Variants in PSMD8 observed in about 807,000 individuals in gnomAD.
PSMD8 encodes proteasome 26S subunit, non-ATPase 8, also known as 26S proteasome non-ATPase regulatory subunit 8.
PSMD8 carries 30 observed loss-of-function variants against 40.0 expected under a neutral mutation model. The observed-to-expected ratio is 0.75, with a 90% CI of 0.56 to 1.02. PSMD8 has a LOEUF of 1.02. Ranked by LOEUF, PSMD8 falls within the 50% of genes least tolerant of loss-of-function variation. The pLI, the probability that PSMD8 is intolerant of heterozygous loss-of-function variation, is 0.00. For missense variants in PSMD8, 461 were observed against 463.9 expected, an observed-to-expected ratio of 0.99 and a Z score of 0.06; for synonymous variants, 208 against 192.5, an observed-to-expected ratio of 1.08 and a Z score of -0.67.
At chr19:38,379,157 G>A (rs1970620147) in intron 3 of PSMD8, 83 bp from the exon 4 acceptor site, 1 of 1,407,384 alleles carries the variant, frequency 7.1e-7, no homozygotes, top group Non-Finnish European at 9.7e-7. Context: ...ATGGGGCGTT[G>A]TGAGGATTCC....
chr19:38,375,060 G>A (rs1358445723), intron 1 of PSMD8, 99 bp downstream of exon 1: 1 of 1,494,254 alleles, frequency 6.7e-7, no homozygotes, highest in Non-Finnish European at 8.9e-7. Context: ...AGCCACCTCG[G>A]TGCCAGCGAG....
intron 4 of PSMD8, 40 bp from the exon 5 acceptor site, chr19:38,380,859 C>T (rs762360242): frequency 7.4e-6 from 11 of 1,476,562 alleles, no homozygotes; most frequent in Non-Finnish European, 1.0e-5. Flanking sequence ...TTGCAGCCTC[C>T]TCTTCATTCT....
At chr19:38,379,140 A>G in intron 3 of PSMD8, 100 bp from the exon 4 acceptor site, 1 of 1,235,842 alleles carries the variant, frequency 8.1e-7, no homozygotes, top group Admixed American at 2.4e-5. Context: ...CCTCTTCAGG[A>G]AGATGCATGG....
In PSMD8 at chr19:38,374,591, C is replaced by T. The variant is rs372594226; in HGVS notation, c.-11C>T. On this transcript the variant is annotated 5_prime_UTR_variant, in exon 1 of 7. Coordinates refer to ENST00000215071, the MANE Select transcript of PSMD8 (RefSeq NM_002812.5). ...ATCTTGAGTGACGACAGAGGCGGAGCTCCAACTGACATGTTCATTAAGGGC... is the reference window on the plus strand; with the variant it reads ...ATCTTGAGTGACGACAGAGGCGGAGTTCCAACTGACATGTTCATTAAGGGC... The T allele has an allele frequency of 2.5e-4, 369 of 1,453,444 alleles. 1 individual carries two copies. The African/African-American group carries it at 4.8e-3, about 19-fold the overall frequency. The allele number at this position is 1,453,444 out of a possible 1,614,324, so 90.0% of individuals were successfully genotyped here.
intron 6 of PSMD8, chr19:38,382,595 G>T: frequency 2.2e-6 from 1 of 462,730 alleles, no homozygotes; most frequent in Non-Finnish European, 3.8e-6. Flanking sequence ...CCAGGCTATG[G>T]AAGGTGAAAT....
At chr19:38,380,854 GCCT>G (rs1970634667) in intron 4 of PSMD8, 42 bp from the exon 5 acceptor site, 5 of 1,456,238 alleles carry the variant, frequency 3.4e-6, no homozygotes, top group Non-Finnish European at 4.7e-6. Flanking sequence ...CCCCTTTGCA[GCCT>G]CCTCTTCATT....
Position 38,374,805 on chromosome 19 carries a change from G to T in PSMD8, c.204G>T (p.Ala68=). The part of the protein sequence containing the change: ...LAASRKMAAA[A]VNGAAGFSSS... ...CATCACGCAAGATGGCGGCCGCGGCGGTGAACGGGGCGGCAGGCTTCTCGA... is the reference window on the plus strand; with the variant it reads ...CATCACGCAAGATGGCGGCCGCGGCTGTGAACGGGGCGGCAGGCTTCTCGA... The change falls in exon 1 of 7, where the codon GCG becomes GCT. Residue 68 remains alanine (A), a synonymous_variant. Coordinates refer to ENST00000215071, the MANE Select transcript of PSMD8 (RefSeq NM_002812.5). 1 of 1,572,850 alleles carries T rather than the reference G, an allele frequency of 6.4e-7. No homozygotes were observed. Among genetic ancestry groups the T allele is most frequent in the Non-Finnish European group, 8.6e-7 (1 of 1,165,754 alleles).
rs772029853 is a variant in PSMD8 at position 38,383,268 on chromosome 19, G to A, written c.931G>A (p.Gly311Ser). ...TTTCCTGCAGCGAGGGTGGGTCCTG[G>A]GCCCCAACAACTACTACAGTTTTGC... is the stretch of plus-strand genomic sequence containing the variant. ...DYAKKRGWVL[G>S]PNNYYSFASQ... Residue 311 changes from glycine (G) to serine (S), a missense_variant, in exon 7 of 7, where the codon GGC becomes AGC. Physicochemically the swap from Gly to Ser is moderately conservative, Grantham distance 56. Around this residue, in one of 2 missense-constraint regions of PSMD8, gnomAD observed 236 missense variants for 321.2 expected, o/e 0.73. Transcript: ENST00000215071. 16 of 1,612,700 alleles carry A rather than the reference G, an allele frequency of 9.9e-6. No homozygotes were observed. The highest frequency in any genetic ancestry group is 1.3e-5 in the African/African-American group (1 of 74,924).
intron 1 of PSMD8, 29 bp from the exon 2 acceptor site, chr19:38,376,131 C>A (rs988311855): frequency 6.4e-7 from 1 of 1,554,902 alleles, no homozygotes; most frequent in Non-Finnish European, 8.8e-7. Flanking sequence ...CCCTTCTTTT[C>A]TTTCTTCCCT....
intron 1 of PSMD8, chr19:38,375,280 A>T: frequency 3.4e-6 from 1 of 292,136 alleles, no homozygotes; most frequent in Non-Finnish European, 6.5e-6. Flanking sequence ...CTGTCTCTAC[A>T]TTTTTTTTTT....
Position 38,374,881 on chromosome 19 carries a change from A to G in PSMD8, c.280A>G (p.Met94Val). 2 of 1,587,536 alleles carry G rather than the reference A, an allele frequency of 1.3e-6. No homozygotes were observed. Among genetic ancestry groups the G allele is most frequent in the Non-Finnish European group, 1.7e-6 (2 of 1,174,866 alleles). The change falls in exon 1 of 7, where the codon ATG (methionine) becomes GTG (valine). Residue 94 changes from methionine to valine, a missense_variant. Coordinates refer to ENST00000215071, the MANE Select transcript of PSMD8 (RefSeq NM_002812.5). ...SGAVLQAATGMYEQLKGEWNR... is the reference protein window; with the variant it reads ...SGAVLQAATGVYEQLKGEWNR... ...CGCTGTTCTGCAGGCCGCGACCGGCATGTACGAGCAACTCAAGGGCGAGTG... is the reference window on the plus strand; with the variant it reads ...CGCTGTTCTGCAGGCCGCGACCGGCGTGTACGAGCAACTCAAGGGCGAGTG...
intron 3 of PSMD8, among the ~76,000 whole-genome samples, chr19:38,377,111 C>T (rs142485986): frequency 5.8e-4 from 88 of 152,368 alleles, no homozygotes; most frequent in Non-Finnish European, 1.1e-3. Context: ...AACATCCAGC[C>T]GCTTCCTGAT....
At chr19:38,381,806 T>A (rs962655099) in intron 5 of PSMD8, among the ~76,000 whole-genome samples, 3 of 152,154 alleles carry the variant, frequency 2.0e-5, no homozygotes, top group African/African-American at 7.2e-5. Flanking sequence ...ATGGGTGTTA[T>A]GAGAAGAGAT....
At position 38,374,958 on chromosome 19, in the gene PSMD8, C is replaced by A; in HGVS notation, c.357C>A (p.Leu119=). ...LSKCGEELGR[L]KLVLLELNFL... ...AGTGCGGGGAAGAGCTGGGTCGACT[C>A]AAGGTAAAGTCGGCAGGCCCAGGAA... Residue 119 remains leucine, a synonymous_variant, in exon 1 of 7, where the codon CTC becomes CTA. Transcript: ENST00000215071. 1 of 1,559,750 alleles carries A rather than the reference C, an allele frequency of 6.4e-7. No individual in the cohort carries two copies. Among genetic ancestry groups the A allele is most frequent in the Non-Finnish European group, 8.6e-7 (1 of 1,161,274 alleles).
intron 3 of PSMD8, 82 bp downstream of exon 3, chr19:38,376,536 T>C: frequency 8.3e-7 from 1 of 1,205,370 alleles, no homozygotes. Flanking sequence ...GCTTGGGTCC[T>C]CTTCCTTCAT....
chr19:38,376,176 T>C lies in PSMD8; in HGVS notation c.377T>C (p.Leu126Pro). 1 of 1,607,328 alleles carries C rather than the reference T, an allele frequency of 6.2e-7. No individual in the cohort carries two copies. Among genetic ancestry groups the C allele is most frequent in the Non-Finnish European group, 8.5e-7 (1 of 1,175,754 alleles). ...CCCCATCAGCTAGTTCTTCTGGAGC[T>C]CAACTTCTTGCCAACCACAGGGACC... is the stretch of plus-strand genomic sequence containing the variant. ...LGRLKLVLLE[L>P]NFLPTTGTKL... Residue 126 changes from leucine (L) to proline (P), a missense_variant, in exon 2 of 7, where the codon CTC becomes CCC. This residue lies in a region of PSMD8 where 236 missense variants were observed against 321.2 expected (regional missense o/e 0.73). Coordinates refer to ENST00000215071, the MANE Select transcript of PSMD8 (RefSeq NM_002812.5).
Position 38,383,315 on chromosome 19 carries a change from A to G in PSMD8, c.978A>G (p.Glu326=), listed in dbSNP as rs1415352627. The change falls in exon 7 of 7, where the codon GAA becomes GAG. Residue 326 remains glutamate, a synonymous_variant. Coordinates refer to ENST00000215071, the MANE Select transcript of PSMD8 (RefSeq NM_002812.5). ...YSFASQQQKP[E]DTTIPSTELA... is the part of the protein sequence containing the mutation. ...TTGCCAGCCAGCAGCAGAAGCCGGA[A>G]GACACCACCATTCCCTCCACAGAAC... 1 of 1,613,630 alleles carries G rather than the reference A, an allele frequency of 6.2e-7. No homozygotes were observed. The highest frequency in any genetic ancestry group is 8.5e-7 in the Non-Finnish European group (1 of 1,179,888).
At chr19:38,378,944 C>T (rs1351746706) in intron 3 of PSMD8, among the ~76,000 whole-genome samples, 1 of 152,162 alleles carries the variant, frequency 6.6e-6, no homozygotes, top group South Asian at 2.1e-4. Flanking sequence ...CAGAGAGAGA[C>T]TCCTTCTCAA....
intron 3 of PSMD8, 124 bp from the exon 4 acceptor site, chr19:38,379,116 C>A: frequency 1.0e-6 from 1 of 994,762 alleles, no homozygotes; most frequent in Non-Finnish European, 1.5e-6. Context: ...CATATGAAAA[C>A]CCAGGACCTG....
Sources: gnomAD v4.1 joint callset for allele counts (sites outside exome capture counted in the v4.1 genomes callset) on GRCh38, gnomAD v4.1.1 for gene constraint, gnomAD v4.1.1 regional missense constraint, MANE v1.5 for transcripts, NCBI Gene and HGNC (gene_info 2026-07-23, HGNC 2026-07-21) for gene names.